Variants in ARIH2 observed in about 807,000 individuals in gnomAD.
ARIH2 encodes the protein ariadne RBR E3 ubiquitin protein ligase 2, also known as E3 ubiquitin-protein ligase ARIH2.
ARIH2 carries 12 observed loss-of-function variants against 79.8 expected under a neutral mutation model. The ratio of observed to expected loss-of-function variants is 0.15; its 90% CI spans 0.10 to 0.24. The LOEUF is 0.24. Among genes scored for constraint, ARIH2 ranks in the 10% least tolerant of loss-of-function variants. ARIH2 has a pLI of 1.00. For missense variants in ARIH2, 301 were observed against 618.3 expected (o/e 0.49, Z 5.44); for synonymous variants, 224 against 213.9 (o/e 1.05, Z -0.41).
intron 3 of ARIH2, among the ~76,000 whole-genome samples, chr3:48,950,523 C>A (rs2089810432): frequency 6.6e-6 from 1 of 152,178 alleles, no homozygotes; most frequent in African/African-American, 2.4e-5. Context: ...GGATCCTTTA[C>A]ATTTCTACAG....
At chr3:48,952,279 A>G (rs552923461) in intron 3 of ARIH2, among the ~76,000 whole-genome samples, 4 of 152,266 alleles carry the variant, frequency 2.6e-5, no homozygotes, top group African/African-American at 7.2e-5. Context: ...AGAGAAACAT[A>G]TGGGGGTTCT....
At chr3:48,953,935 G>T (rs111737992) in intron 3 of ARIH2, among the ~76,000 whole-genome samples, 2 of 148,288 alleles carry the variant, frequency 1.3e-5, no homozygotes, top group African/African-American at 5.0e-5. Context: ...AGGCCGAAGC[G>T]GGTGGATCAC....
In ARIH2 at chr3:48,919,018, C is replaced by G; in HGVS notation, c.-162+20C>G. 1 of 1,424,114 alleles carries G rather than the reference C, an allele frequency of 7.0e-7. No homozygotes were observed. 88.2% of individuals were successfully genotyped at this position (1,424,114 alleles called of 1,614,324 possible). On this transcript the variant is annotated intron_variant, in intron 1 of 15. Transcript: ENST00000356401. ...CTCCCGGTAAGTGCGCGGCGCACGTCACGGCCTTGTTTACCTTGGCTGGCC... is the reference window on the plus strand; with the variant it reads ...CTCCCGGTAAGTGCGCGGCGCACGTGACGGCCTTGTTTACCTTGGCTGGCC...
chr3:48,924,265 G>A (rs1178814279), intron 2 of ARIH2, among the ~76,000 whole-genome samples: 1 of 152,034 alleles, frequency 6.6e-6, no homozygotes, highest in Non-Finnish European at 1.5e-5. Flanking sequence ...AAAGTGTGGG[G>A]ATTATGATAC....
chr3:48,927,933 G>A, intron 3 of ARIH2, 120 bp downstream of exon 3: 3 of 1,225,308 alleles, frequency 2.4e-6, no homozygotes, highest in Non-Finnish European at 3.4e-6. Context: ...CCAAATTTAA[G>A]TGTATGTCAA....
At chr3:48,979,395 C>A in intron 11 of ARIH2, 87 bp from the exon 12 acceptor site, 1 of 1,457,460 alleles carries the variant, frequency 6.9e-7, no homozygotes, top group South Asian at 1.3e-5. Flanking sequence ...CCTTTGGGAG[C>A]AGGGTCTGTC....
rs746633869 is a variant in ARIH2 at position 48,964,952 on chromosome 3, G to C, written c.357G>C (p.Glu119Asp). Residue 119 changes from glutamate (E) to aspartate (D), a missense_variant, in exon 5 of 16, where the codon GAG becomes GAC. By Grantham distance (45) the Glu-to-Asp change is conservative. This residue lies in a region of ARIH2 where 223 missense variants were observed against 349.4 expected (regional missense o/e 0.64). Coordinates refer to ENST00000356401, the MANE Select transcript of ARIH2 (RefSeq NM_006321.4). ...CCAATTCTGCTCAACTGCTTGTTGA[G>C]GCTCGAGTTCAGCCTAATCCATCAA... ...YKSNSAQLLV[E>D]ARVQPNPSKH... is the part of the protein sequence containing the mutation. 1.2e-6 allele frequency: 2 copies of C among 1,613,676 alleles called. No homozygotes were observed. Among genetic ancestry groups the C allele is most frequent in the Non-Finnish European group, 1.7e-6 (2 of 1,179,766 alleles).
At chr3:48,934,943 G>A (rs2086905825) in intron 3 of ARIH2, 1 of 985,048 alleles carries the variant, frequency 1.0e-6, no homozygotes, top group African/African-American at 1.7e-5. Context: ...GTAATCAAGG[G>A]GTGATACGGT....
In ARIH2 at chr3:48,967,142, C is replaced by A; in HGVS notation, c.405C>A (p.Pro135=). Residue 135 remains proline (P), a synonymous_variant, in exon 6 of 16, where the codon CCC becomes CCA. Transcript: ENST00000356401. ...NPSKHVPTSH[P]PHHCAVCMQF... Reference sequence around the variant, plus strand: ...CTCTCCAGGTTCCCACATCCCATCCCCCTCACCACTGTGCAGTGTGTATGC... The same window carrying A: ...CTCTCCAGGTTCCCACATCCCATCCACCTCACCACTGTGCAGTGTGTATGC... The A allele has an allele frequency of 6.2e-7, 1 of 1,613,946 alleles. No individual in the cohort carries two copies. Among genetic ancestry groups the A allele is most frequent in the Non-Finnish European group, 8.5e-7 (1 of 1,179,910 alleles).
chr3:48,965,939 T>G (rs956932975), intron 5 of ARIH2, among the ~76,000 whole-genome samples: 2 of 147,846 alleles, frequency 1.4e-5, no homozygotes, highest in Non-Finnish European at 1.5e-5. Context: ...CACTCCAGCC[T>G]GGGCGACAGA....
chr3:48,982,977 G>A lies in ARIH2; in HGVS notation c.1408G>A (p.Gly470Arg). 1.2e-6 allele frequency: 2 copies of A among 1,613,670 alleles called. No homozygotes were observed. Among genetic ancestry groups the A allele is most frequent in the Non-Finnish European group, 8.5e-7 (1 of 1,179,560 alleles). Residue 470 changes from glycine (G) to arginine (R), a missense_variant and splice_region_variant, in exon 15 of 16, where the codon GGG becomes AGG. Gly to Arg is a moderately radical substitution (Grantham distance 125, BLOSUM62 -2). Transcript: ENST00000356401. ...GGAGCGTGCAGACAGCTATGACAGAGGGGTAAGTGCCTACTGTCCTCTTGG... is the reference window on the plus strand; with the variant it reads ...GGAGCGTGCAGACAGCTATGACAGAAGGGTAAGTGCCTACTGTCCTCTTGG... ...KVERADSYDRGDLENQMHIAE... is the reference protein window; with the variant it reads ...KVERADSYDRRDLENQMHIAE...
chr3:48,947,558 ACAGT>A (rs2089363874), intron 3 of ARIH2, among the ~76,000 whole-genome samples: 1 of 152,218 alleles, frequency 6.6e-6, no homozygotes, highest in African/African-American at 2.4e-5. Flanking sequence ...TATAGTGTAT[ACAGT>A]CAGTTAACCT....
intron 3 of ARIH2, among the ~76,000 whole-genome samples, chr3:48,950,327 C>T (rs536733765): frequency 6.6e-6 from 1 of 151,840 alleles, no homozygotes; most frequent in African/African-American, 2.4e-5. Flanking sequence ...TTTTTTACTC[C>T]ATCTAGTTCT....
intron 3 of ARIH2, among the ~76,000 whole-genome samples, chr3:48,951,494 A>C (rs914229782): frequency 9.2e-5 from 14 of 152,124 alleles, no homozygotes; most frequent in Admixed American, 7.9e-4. Flanking sequence ...TTTCTTCTCT[A>C]GTTTGTAAAA....
chr3:48,938,702 A>C (rs2087534601), intron 3 of ARIH2, among the ~76,000 whole-genome samples: 1 of 152,102 alleles, frequency 6.6e-6, no homozygotes, highest in Non-Finnish European at 1.5e-5. Flanking sequence ...TGCATGTTGT[A>C]AACTAATAGT....
chr3:48,927,441 A>ATT, intron 2 of ARIH2, 21 bp from the exon 3 acceptor site: 7 of 1,179,078 alleles, frequency 5.9e-6, no homozygotes, highest in Non-Finnish European at 8.2e-6. Context: ...AGTAACACTT[A>ATT]TTTTTTTTTT....
intron 3 of ARIH2, among the ~76,000 whole-genome samples, chr3:48,939,306 C>G (rs901025281): frequency 2.0e-5 from 3 of 151,982 alleles, no homozygotes; most frequent in African/African-American, 7.3e-5. Context: ...AAATAGGACC[C>G]TTAGAGTGTG....
At chr3:48,936,215 T>C (rs1269761990) in intron 3 of ARIH2, among the ~76,000 whole-genome samples, 1 of 152,104 alleles carries the variant, frequency 6.6e-6, no homozygotes, top group Non-Finnish European at 1.5e-5. Flanking sequence ...TTTTTTTCTT[T>C]GCCCTTGCTG....
At position 48,952,362 on chromosome 3, in the gene ARIH2, A is replaced by G. The variant is rs568234024; in HGVS notation, c.256-9250A>G. On this transcript the variant is annotated intron_variant, in intron 3 of 15. Transcript: ENST00000356401. ...TGAAGACTCTCTTCTACTAAGGCATATAAAGTTTGTCCTGTCAATACTGGA... is the reference window on the plus strand; with the variant it reads ...TGAAGACTCTCTTCTACTAAGGCATGTAAAGTTTGTCCTGTCAATACTGGA... Among the ~76,000 whole-genome samples the G allele has an allele frequency of 9.8e-5, 15 of 152,338 alleles. No homozygotes were observed. The East Asian group carries it at 2.9e-3, about 29-fold the overall frequency.
Sources: allele counts gnomAD v4.1 joint callset (sites outside exome capture counted in the v4.1 genomes callset), GRCh38; gene constraint gnomAD v4.1.1; regional missense constraint gnomAD v4.1.1; transcripts MANE v1.5; gene names NCBI Gene and HGNC (gene_info 2026-07-23, HGNC 2026-07-21).